Variants in HAT1 observed in about 807,000 individuals in gnomAD.
HAT1 encodes histone acetyltransferase type B catalytic subunit.
A neutral mutation model predicts 56.6 loss-of-function variants in HAT1; 20 were observed. The ratio of observed to expected loss-of-function variants is 0.35; its 90% CI spans 0.25 to 0.51. HAT1 has a LOEUF of 0.51. Ranked by LOEUF, HAT1 falls within the 20% of genes least tolerant of loss-of-function variation. The pLI, the probability that HAT1 is intolerant of heterozygous loss-of-function variation, is 0.95. For synonymous variants in HAT1, 146 were observed against 165.5 expected (o/e 0.88, Z 0.91); for missense variants, 408 against 504.3 (o/e 0.81, Z 1.83).
chr2:171,929,772 A>G (rs1686691140), intron 2 of HAT1, among the ~76,000 whole-genome samples: 1 of 152,182 alleles, frequency 6.6e-6, no homozygotes, highest in Admixed American at 6.5e-5. Flanking sequence ...GTGGATCTAC[A>G]TCTGGACTTT....
At chr2:171,954,836 T>C (rs886943309) in intron 4 of HAT1, among the ~76,000 whole-genome samples, 1 of 152,228 alleles carries the variant, frequency 6.6e-6, no homozygotes, top group African/African-American at 2.4e-5. Context: ...CTTGATATTA[T>C]CCTGGAATAT....
rs113019955 is a variant in HAT1 at position 171,947,142 on chromosome 2, A to G, written c.188+359A>G. Among the ~76,000 whole-genome samples the G allele has an allele frequency of 3.5e-4, 54 of 152,312 alleles. 2 individuals carry two copies. Among genetic ancestry groups the G allele is most frequent in the African/African-American group, 1.3e-3 (53 of 41,588 alleles). ...ATCATAACTACTACTTTTTTCTGCT[A>G]CCATTTTGCTAAATTACTTCTAGTA... On this transcript the variant is annotated intron_variant, in intron 3 of 10. Coordinates refer to ENST00000264108, the MANE Select transcript of HAT1 (RefSeq NM_003642.4).
intron 4 of HAT1, among the ~76,000 whole-genome samples, chr2:171,961,379 T>G (rs954693745): frequency 2.0e-5 from 3 of 152,160 alleles, no homozygotes; most frequent in Non-Finnish European, 2.9e-5. Flanking sequence ...TAACTAAGAT[T>G]GTTGTCTTGC....
chr2:171,949,450 G>A (rs1687250316), intron 3 of HAT1, among the ~76,000 whole-genome samples: 1 of 152,110 alleles, frequency 6.6e-6, no homozygotes, highest in Admixed American at 6.6e-5. Context: ...GGCCGAGGCG[G>A]GAGGTTTGCC....
chr2:171,960,337 A>G (rs773637078), intron 4 of HAT1, among the ~76,000 whole-genome samples: 8 of 152,196 alleles, frequency 5.3e-5, no homozygotes, highest in African/African-American at 7.2e-5. Flanking sequence ...CCCAAGTTCA[A>G]TTATGGTACT....
At chr2:171,928,511 T>G (rs570439778) in intron 2 of HAT1, among the ~76,000 whole-genome samples, 5 of 152,238 alleles carry the variant, frequency 3.3e-5, no homozygotes, top group South Asian at 2.1e-4. Flanking sequence ...CCCCATTTTT[T>G]TTGTTGTTGT....
At chr2:171,956,372 TGTG>T (rs1687449306) in intron 4 of HAT1, among the ~76,000 whole-genome samples, 1 of 150,858 alleles carries the variant, frequency 6.6e-6, no homozygotes, top group Non-Finnish European at 1.5e-5. Flanking sequence ...ACACGCTGGG[TGTG>T]GTGGTGTGTG....
Position 171,948,430 on chromosome 2 carries a change from G to C in HAT1, c.188+1647G>C, listed in dbSNP as rs533202487. The stretch of plus-strand genomic sequence containing the variant: ...AGTAGAGACGGGGTTTCACCATCTT[G>C]GTCAGGTTGGTCTCAATCTCCTGAC... On this transcript the variant is annotated intron_variant, in intron 3 of 10. Transcript: ENST00000264108. Among the ~76,000 whole-genome samples the C allele has an allele frequency of 8.5e-5, 13 of 152,172 alleles. No individual in the cohort carries two copies. In the South Asian group the frequency reaches 1.7e-3, roughly 19 times the overall value.
chr2:171,931,652 C>T (rs937680077), intron 2 of HAT1, among the ~76,000 whole-genome samples: 9 of 151,054 alleles, frequency 6.0e-5, no homozygotes, highest in Non-Finnish European at 1.0e-4. Flanking sequence ...CCAGCCTGGG[C>T]GACAAAGCAA....
At chr2:171,962,587 T>C (rs969976173) in intron 4 of HAT1, among the ~76,000 whole-genome samples, 3 of 152,158 alleles carry the variant, frequency 2.0e-5, no homozygotes, top group Admixed American at 1.3e-4. Context: ...AGAGACAGGG[T>C]TTCACCATGT....
intron 2 of HAT1, among the ~76,000 whole-genome samples, chr2:171,943,883 T>C (rs1171769930): frequency 6.6e-6 from 1 of 151,976 alleles, no homozygotes; most frequent in East Asian, 1.9e-4. Context: ...GCATGGTGGC[T>C]CATGCCTGTA....
intron 2 of HAT1, among the ~76,000 whole-genome samples, chr2:171,944,912 C>G (rs1315823560): frequency 6.6e-6 from 1 of 152,146 alleles, no homozygotes; most frequent in African/African-American, 2.4e-5. Context: ...CGCTCGATCA[C>G]CCAGGCTGGA....
chr2:171,969,783 G>A (rs1347598387), intron 8 of HAT1, among the ~76,000 whole-genome samples: 1 of 152,150 alleles, frequency 6.6e-6, no homozygotes, highest in East Asian at 1.9e-4. Context: ...TGTGGCCTGA[G>A]TAGTTTTTCT....
At chr2:171,973,725 G>A (rs1355726212) in intron 8 of HAT1, among the ~76,000 whole-genome samples, 1 of 152,208 alleles carries the variant, frequency 6.6e-6, no homozygotes, top group Non-Finnish European at 1.5e-5. Flanking sequence ...ACTAACGCCT[G>A]ATGACTGATC....
chr2:171,940,658 C>T (rs982381430), intron 2 of HAT1, among the ~76,000 whole-genome samples: 6 of 152,030 alleles, frequency 3.9e-5, no homozygotes, highest in African/African-American at 1.2e-4. Context: ...TTTGAAAACT[C>T]CAAAGGCTTG....
chr2:171,924,550 CTT>C (rs746735870), intron 1 of HAT1: 4 of 152,134 alleles, frequency 2.6e-5, no homozygotes, highest in African/African-American at 4.8e-5. Flanking sequence ...GAAAGTTTCT[CTT>C]GATAGTGATA....
At chr2:171,923,922 T>G (rs1686508287) in intron 1 of HAT1, 1 of 152,132 alleles carries the variant, frequency 6.6e-6, no homozygotes, top group Non-Finnish European at 1.5e-5. Flanking sequence ...ATTTCACAGG[T>G]TAAATTTTGT....
intron 3 of HAT1, among the ~76,000 whole-genome samples, chr2:171,950,233 A>C (rs77133750): frequency 6.6e-6 from 1 of 151,928 alleles, no homozygotes; most frequent in Non-Finnish European, 1.5e-5. Context: ...CAGTGGCATG[A>C]TCTTCTTGGC....
At chr2:171,927,711 C>G (rs998532620) in intron 2 of HAT1, among the ~76,000 whole-genome samples, 1 of 152,122 alleles carries the variant, frequency 6.6e-6, no homozygotes, top group Non-Finnish European at 1.5e-5. Context: ...CCTCAGCCTC[C>G]GTAGTAGCTG....
Sources: allele counts gnomAD v4.1 joint callset (sites outside exome capture counted in the v4.1 genomes callset), GRCh38; gene constraint gnomAD v4.1.1; transcripts MANE v1.5; gene names NCBI Gene and HGNC (gene_info 2026-07-23, HGNC 2026-07-21).